Variants in MAST4 observed in about 807,000 individuals in gnomAD.
MAST4 encodes microtubule associated serine/threonine kinase family member 4.
A neutral mutation model predicts 162.7 loss-of-function variants in MAST4; 89 were observed. The ratio of observed to expected loss-of-function variants is 0.55; its 90% CI spans 0.46 to 0.65. The LOEUF is 0.65. MAST4 is among the 30% of genes least tolerant of loss of function. The pLI is 0.00. For synonymous variants in MAST4, 1,479 were observed against 1,361.1 expected (o/e 1.09, Z -1.91); for missense variants, 3,153 against 3,374.0 (o/e 0.93, Z 1.62).
At chr5:67,099,430 CATTA>C (rs1764788179) in intron 7 of MAST4, among the ~76,000 whole-genome samples, 1 of 151,784 alleles carries the variant, frequency 6.6e-6, no homozygotes, top group East Asian at 1.9e-4. Context: ...AAGCTTTAGG[CATTA>C]ATTTCTAGTT....
intron 3 of MAST4, among the ~76,000 whole-genome samples, chr5:66,858,789 A>G (rs1759872197): frequency 6.6e-6 from 1 of 152,080 alleles, no homozygotes; most frequent in South Asian, 2.1e-4. Context: ...CCTTCTATGT[A>G]TATGGTATAT....
intron 4 of MAST4, among the ~76,000 whole-genome samples, chr5:66,988,723 T>C (rs1351327241): frequency 6.6e-6 from 1 of 152,176 alleles, no homozygotes; most frequent in Non-Finnish European, 1.5e-5. Context: ...TTTCCACTTA[T>C]GCCCAGTTTC....
Position 67,133,790 on chromosome 5 carries a change from A to G in MAST4, c.2226+144A>G, listed in dbSNP as rs754686333. ...TAAACCTTACATTTAATAAAGTGCA[A>G]ATTGCTCCCATTTTTCTCCCTGGGC... On this transcript the variant is annotated intron_variant, in intron 17 of 28. Transcript: ENST00000403625. The G allele has an allele frequency of 3.3e-5, 30 of 895,624 alleles. No homozygotes were observed. The East Asian group carries it at 7.7e-4, about 23-fold the overall frequency. 55.5% of individuals were successfully genotyped at this position (895,624 alleles called of 1,614,324 possible). A position where few individuals can be genotyped will look rare whatever the true frequency, so the allele number is the denominator to read the frequency against.
intron 2 of MAST4, among the ~76,000 whole-genome samples, chr5:66,763,138 G>T (rs1753929324): frequency 6.6e-6 from 1 of 152,148 alleles, no homozygotes; most frequent in African/African-American, 2.4e-5. Context: ...AGAAGGCGAG[G>T]ATTTGAACCC....
In MAST4 at chr5:67,167,672, G is replaced by A. The variant is rs547374011; in HGVS notation, c.*621G>A. On this transcript the variant is annotated 3_prime_UTR_variant, in exon 29 of 29. Transcript: ENST00000403625. Reference sequence around the variant, plus strand: ...TGTATTTTAACCAGAGTTTCTGATAGTACTGTATCTGGCTACCTATATTTC... The same window carrying A: ...TGTATTTTAACCAGAGTTTCTGATAATACTGTATCTGGCTACCTATATTTC... 212 of 152,332 alleles carry A rather than the reference G, an allele frequency of 1.4e-3. 1 individual carries two copies. The highest frequency in any genetic ancestry group is 4.8e-3 in the African/African-American group (199 of 41,568). The allele number at this position is 152,332 out of a possible 1,614,324, so 9.4% of individuals were successfully genotyped here.
intron 5 of MAST4, among the ~76,000 whole-genome samples, chr5:67,069,080 A>G (rs113734206): frequency 0.019 from 2,921 of 152,072 alleles, 103 homozygotes; most frequent in African/African-American, 0.067. Context: ...AAAGTGGTCC[A>G]TGTATTAAGG....
chr5:66,871,708 C>T (rs991648397), intron 3 of MAST4, among the ~76,000 whole-genome samples: 5 of 152,274 alleles, frequency 3.3e-5, no homozygotes, highest in Middle Eastern at 3.4e-3. Context: ...TTTTTCCAGA[C>T]GACAGTTCCA....
chr5:67,136,450 G>A (rs536107135), intron 18 of MAST4, 113 bp from the exon 19 acceptor site: 100 of 713,498 alleles, frequency 1.4e-4, no homozygotes, highest in African/African-American at 1.3e-3. Flanking sequence ...TAGTAGGTCC[G>A]GAGTGGGCCT....
intron 3 of MAST4, among the ~76,000 whole-genome samples, chr5:66,832,773 T>A (rs1248937940): frequency 6.6e-6 from 1 of 152,192 alleles, no homozygotes; most frequent in African/African-American, 2.4e-5. Flanking sequence ...AGGGAAGAAG[T>A]CTAGTTGGAA....
chr5:67,045,810 T>C (rs964702347), intron 4 of MAST4, among the ~76,000 whole-genome samples: 1 of 152,206 alleles, frequency 6.6e-6, no homozygotes, highest in Non-Finnish European at 1.5e-5. Context: ...TATGTTAAAA[T>C]AACACAAGCT....
intron 1 of MAST4, among the ~76,000 whole-genome samples, chr5:66,695,186 A>G (rs566975227): frequency 6.6e-6 from 1 of 152,100 alleles, no homozygotes; most frequent in Non-Finnish European, 1.5e-5. Context: ...ATCTTGAGTT[A>G]ATTGTCTAAG....
Position 66,639,655 on chromosome 5 carries a change from T to C in MAST4, c.363+42637T>C, listed in dbSNP as rs187256634. 3.9e-5 allele frequency among the ~76,000 whole-genome samples: 6 copies of C among 152,252 alleles called. No individual in the cohort carries two copies. In the East Asian group the frequency reaches 1.2e-3, roughly 29 times the overall value. ...AGTATTAGTTTCACTATTCTGAGAC[T>C]GTTATATGTGTATGTGGGATAAATG... On this transcript the variant is annotated intron_variant, in intron 1 of 28. Transcript: ENST00000403625.
chr5:67,160,236 G>A (rs1158473472), intron 26 of MAST4, among the ~76,000 whole-genome samples: 1 of 152,200 alleles, frequency 6.6e-6, no homozygotes, highest in Non-Finnish European at 1.5e-5. Context: ...ACTCAGATCT[G>A]TGGACTCCAG....
intron 4 of MAST4, chr5:67,001,514 G>C (rs1405999947): frequency 1.3e-5 from 2 of 151,908 alleles, no homozygotes; most frequent in Non-Finnish European, 1.5e-5. Flanking sequence ...CCATTCCTTT[G>C]AGAATTTCTG....
intron 4 of MAST4, chr5:66,986,616 A>ATATATATATT (rs1554077141): frequency 3.5e-4 from 70 of 199,752 alleles, no homozygotes; most frequent in African/African-American, 1.4e-3. Context: ...ATATATATAT[A>ATATATATATT]TATTTATTTA....
intron 1 of MAST4, among the ~76,000 whole-genome samples, chr5:66,657,073 A>C (rs1223943919): frequency 6.6e-6 from 1 of 152,234 alleles, no homozygotes; most frequent in Non-Finnish European, 1.5e-5. Context: ...GAGAAGATTC[A>C]GTAAAGGTAG....
At chr5:66,841,102 A>G (rs1168028662) in intron 3 of MAST4, among the ~76,000 whole-genome samples, 1 of 152,256 alleles carries the variant, frequency 6.6e-6, no homozygotes, top group East Asian at 1.9e-4. Context: ...ACCTCCCAGG[A>G]ATGTGGTAAA....
chr5:66,828,732 G>C (rs928182851), intron 3 of MAST4: 2 of 1,495,706 alleles, frequency 1.3e-6, no homozygotes, highest in Middle Eastern at 2.0e-4. Flanking sequence ...CAATCAGCTA[G>C]AGCGTGATGT....
intron 4 of MAST4, chr5:67,005,051 T>C: frequency 3.9e-6 from 3 of 773,906 alleles, no homozygotes; most frequent in Non-Finnish European, 7.2e-6. Context: ...TTTGCCTCAT[T>C]TGAGGAGTGG....
Sources: allele counts gnomAD v4.1 joint callset (sites outside exome capture counted in the v4.1 genomes callset), GRCh38; gene constraint gnomAD v4.1.1; transcripts MANE v1.5; gene names NCBI Gene and HGNC (gene_info 2026-07-23, HGNC 2026-07-21).